Variants in ZNF573 observed in about 807,000 individuals in gnomAD.
The protein encoded by ZNF573 is zinc finger protein 573.
ZNF573 carries 41 observed loss-of-function variants against 57.4 expected under a neutral mutation model. The observed-to-expected ratio is 0.71, with a 90% CI of 0.56 to 0.93. ZNF573 has a LOEUF of 0.93. Ranked by LOEUF, ZNF573 falls within the 40% of genes least tolerant of loss-of-function variation. The probability of loss-of-function intolerance (pLI) is 0.00; values close to 1 mark genes in which losing one functional copy is unlikely to be tolerated. For synonymous variants in ZNF573, 249 were observed against 261.0 expected (o/e 0.95, Z 0.44); for missense variants, 730 against 794.8 (o/e 0.92, Z 0.98).
At chr19:37,772,735 G>A (rs1372299208) in intron 2 of ZNF573, among the ~76,000 whole-genome samples, 1 of 151,738 alleles carries the variant, frequency 6.6e-6, no homozygotes, top group East Asian at 1.9e-4. Context: ...CCACGCTCAA[G>A]CAATCCTCCT....
Position 37,738,755 on chromosome 19 carries a change from T to C in ZNF573, c.1735A>G (p.Lys579Glu). 2 of 1,613,996 alleles carry C rather than the reference T, an allele frequency of 1.2e-6. No individual in the cohort carries two copies. Among genetic ancestry groups the C allele is most frequent in the South Asian group, 1.1e-5 (1 of 91,040 alleles). The change falls in exon 5 of 5, where the codon AAA becomes GAA. Residue 579 changes from lysine (K) to glutamate (E), a missense_variant. Physicochemically the swap from Lys to Glu is moderately conservative, Grantham distance 56. Coordinates refer to ENST00000536220, the MANE Select transcript of ZNF573 (RefSeq NM_001172690.2). Reference sequence around the variant, plus strand: ...CATTCTTTACATTCATAGGGTTTTTTATCAGCATGAATGCTCTGATGTGCA... The same window carrying C: ...CATTCTTTACATTCATAGGGTTTTTCATCAGCATGAATGCTCTGATGTGCA... ...LTAHQSIHAD[K>E]KPYECKECGK... is the part of the protein sequence containing the mutation.
At chr19:37,740,630 C>G (rs985062778) in intron 4 of ZNF573, 1 of 455,602 alleles carries the variant, frequency 2.2e-6, no homozygotes, top group African/African-American at 2.0e-5. Context: ...TTTCCAAGGA[C>G]TGCTGCTTAC....
At chr19:37,775,842 C>CAA (rs11390183) in intron 1 of ZNF573, among the ~76,000 whole-genome samples, 2,402 of 125,068 alleles carry the variant, frequency 0.019, 47 homozygotes, top group African/African-American at 0.034. Flanking sequence ...ACAACAGCTG[C>CAA]AAAAAAAAAA....
In ZNF573 at chr19:37,768,726, C is replaced by T. The variant is rs572792358; in HGVS notation, c.295+1279G>A. Among the ~76,000 whole-genome samples the T allele has an allele frequency of 1.7e-4, 26 of 152,082 alleles. No individual in the cohort carries two copies. The South Asian group carries it at 5.2e-3, about 30-fold the overall frequency. On this transcript the variant is annotated intron_variant, in intron 4 of 4. Transcript: ENST00000536220. ...AGTCGCCCAGGCTGGAGTGCAGTGG[C>T]GCAATCTCAGCTCACGGCAAGCTCC... is the stretch of plus-strand genomic sequence containing the variant.
At chr19:37,751,750 C>G (rs1273073503) in intron 4 of ZNF573, among the ~76,000 whole-genome samples, 1 of 113,536 alleles carries the variant, frequency 8.8e-6, no homozygotes, top group Admixed American at 9.6e-5. Context: ...GTACATAGTA[C>G]CGTATATACT....
rs1369218310 is a variant in ZNF573 at position 37,771,603 on chromosome 19, C to A, written c.163G>T (p.Asp55Tyr). The change falls in exon 3 of 5, where the codon GAT becomes TAT. Residue 55 changes from aspartate (D) to tyrosine (Y), a missense_variant. Coordinates refer to ENST00000536220, the MANE Select transcript of ZNF573 (RefSeq NM_001172690.2). ...TTTCTATAGTTCTCCAACATCACATCCCTGTATAAGTCCCTCTGATTAGGG... is the reference window on the plus strand; with the variant it reads ...TTTCTATAGTTCTCCAACATCACATACCTGTATAAGTCCCTCTGATTAGGG... ...LDPNQRDLYR[D>Y]VMLENYRNLV... The A allele has an allele frequency of 1.9e-6, 3 of 1,607,934 alleles. No homozygotes were observed. In the East Asian group the frequency reaches 6.8e-5, roughly 37 times the overall value.
intron 4 of ZNF573, among the ~76,000 whole-genome samples, chr19:37,762,440 TA>T (rs1194331228): frequency 6.6e-6 from 1 of 152,170 alleles, no homozygotes; most frequent in Non-Finnish European, 1.5e-5. Flanking sequence ...GGCAAAGGGT[TA>T]ACAAAACATT....
At chr19:37,745,547 C>T (rs1167258072) in intron 4 of ZNF573, among the ~76,000 whole-genome samples, 3 of 152,068 alleles carry the variant, frequency 2.0e-5, no homozygotes, top group African/African-American at 7.2e-5. Flanking sequence ...AGGTGCTTGC[C>T]ACTACGCCCA....
chr19:37,738,471 G>A lies in ZNF573; in HGVS notation c.*21C>T, dbSNP rs57172286. The A allele has an allele frequency of 1.5e-3, 2,293 of 1,500,276 alleles. 25 individuals carry two copies. In the African/African-American group the frequency reaches 0.027, roughly 18 times the overall value. 92.9% of individuals were successfully genotyped at this position (1,500,276 alleles called of 1,614,324 possible). On this transcript the variant is annotated 3_prime_UTR_variant, in exon 5 of 5. Coordinates refer to ENST00000536220, the MANE Select transcript of ZNF573 (RefSeq NM_001172690.2). ...TGTGGGCTGTCTGATGATGAATGGC[G>A]CGCTCGTACTCTTTACGGTCTTACA...
chr19:37,761,371 GTTT>G (rs1455923549), intron 4 of ZNF573, among the ~76,000 whole-genome samples: 1 of 152,064 alleles, frequency 6.6e-6, no homozygotes, highest in Non-Finnish European at 1.5e-5. Flanking sequence ...AGAAGCAAAA[GTTT>G]TTTCTCGGAC....
chr19:37,751,735 A>G lies in ZNF573; in HGVS notation c.296-11541T>C, dbSNP rs561897810. Among the ~76,000 whole-genome samples the G allele has an allele frequency of 8.0e-4, 106 of 131,828 alleles. 1 individual carries two copies. The highest frequency in any genetic ancestry group is 2.5e-3 in the African/African-American group (91 of 35,776). 86.5% of individuals were successfully genotyped at this position (131,828 alleles called of 152,430 possible). ...GTACATAGTACCGTATATATACTGT[A>G]TATAGTACATAGTACCGTATATACT... On this transcript the variant is annotated intron_variant, in intron 4 of 4. Coordinates refer to ENST00000536220, the MANE Select transcript of ZNF573 (RefSeq NM_001172690.2).
In ZNF573 at chr19:37,738,608, G is replaced by C. The variant is rs1256023194; in HGVS notation, c.1882C>G (p.His628Asp). The C allele has an allele frequency of 1.9e-6, 3 of 1,611,372 alleles. No individual in the cohort carries two copies. The highest frequency in any genetic ancestry group is 2.5e-6 in the Non-Finnish European group (3 of 1,178,852). ...TTCTCACCAGTATGAATTCTCTCAT[G>C]TTGAACAAGGTTTGAAGCACGACTG... ...AFSRASNLVQHERIHTGEKPY... is the reference protein window; with the variant it reads ...AFSRASNLVQDERIHTGEKPY... Residue 628 changes from histidine to aspartate, a missense_variant, in exon 5 of 5, where the codon CAT (histidine) becomes GAT (aspartate). Physicochemically the swap from His to Asp is moderately conservative, Grantham distance 81 (BLOSUM62 -1). Coordinates refer to ENST00000536220, the MANE Select transcript of ZNF573 (RefSeq NM_001172690.2).
intron 3 of ZNF573, chr19:37,770,546 C>T (rs1405051117): frequency 7.2e-6 from 1 of 139,706 alleles, no homozygotes; most frequent in African/African-American, 2.7e-5. Flanking sequence ...GGGAGGATCA[C>T]TTGAGACCAG....
intron 4 of ZNF573, among the ~76,000 whole-genome samples, chr19:37,769,741 A>AC (rs1456413742): frequency 6.6e-6 from 1 of 151,264 alleles, no homozygotes; most frequent in East Asian, 1.9e-4. Flanking sequence ...AAAAAAAAAA[A>AC]AAAAAAAAAG....
intron 3 of ZNF573, among the ~76,000 whole-genome samples, chr19:37,771,183 G>A (rs2045655646): frequency 1.3e-5 from 2 of 151,588 alleles, no homozygotes; most frequent in East Asian, 3.9e-4. Context: ...CCTGCAGGTG[G>A]ATCAGATGAT....
intron 4 of ZNF573, among the ~76,000 whole-genome samples, chr19:37,746,732 C>T (rs985570638): frequency 2.0e-5 from 3 of 152,056 alleles, no homozygotes; most frequent in African/African-American, 7.2e-5. Flanking sequence ...TACAGACCCG[C>T]GCCTCCACGC....
At chr19:37,763,542 C>T (rs770982572) in intron 4 of ZNF573, among the ~76,000 whole-genome samples, 87 of 150,758 alleles carry the variant, frequency 5.8e-4, no homozygotes, top group Non-Finnish European at 1.1e-3. Context: ...CCAGCCTGGG[C>T]GACAGAGTGA....
At position 37,770,076 on chromosome 19, in the gene ZNF573, G is replaced by T; in HGVS notation, c.224C>A (p.Pro75Gln). 6.4e-7 allele frequency: 1 copy of T among 1,550,732 alleles called. No individual in the cohort carries two copies. The highest frequency in any genetic ancestry group is 2.0e-5 in the Admixed American group (1 of 50,838). ...TCGCTCCAGTAAATCAACCACAACT[G>T]GTTTAGAAATGGAATGTCCTCCTTA... ...VSLGGHSISK[P>Q]VVVDLLERGK... Residue 75 changes from proline (P) to glutamine (Q), a missense_variant, in exon 4 of 5, where the codon CCA (proline) becomes CAA (glutamine). Physicochemically the swap from Pro to Gln is moderately conservative, Grantham distance 76. Transcript: ENST00000536220.
intron 4 of ZNF573, among the ~76,000 whole-genome samples, chr19:37,762,211 GA>G (rs1448367595): frequency 6.6e-6 from 1 of 152,130 alleles, no homozygotes; most frequent in Non-Finnish European, 1.5e-5. Flanking sequence ...AAATCAAGTG[GA>G]CTGGACTTTG....
Sources: allele counts gnomAD v4.1 joint callset (sites outside exome capture counted in the v4.1 genomes callset), GRCh38; gene constraint gnomAD v4.1.1; transcripts MANE v1.5; gene names NCBI Gene and HGNC (gene_info 2026-07-23, HGNC 2026-07-21).